ROBO1: variants seen among roughly 807,000 people sequenced by gnomAD.
ROBO1 encodes the protein roundabout guidance receptor 1.
Under a neutral mutation model 195.9 loss-of-function variants are expected in ROBO1, and 149 were observed. That is an observed-to-expected ratio of 0.76 (90% CI 0.67 to 0.87). The LOEUF is 0.87. Among genes scored for constraint, ROBO1 ranks in the 40% least tolerant of loss-of-function variants. ROBO1 has a pLI of 0.00. For synonymous variants in ROBO1, 816 were observed against 733.2 expected (o/e 1.11, Z -1.82); for missense variants, 1,933 against 2,068.3 (o/e 0.93, Z 1.27).
chr3:79,147,293 G>A (rs1239094014), intron 2 of ROBO1, among the ~76,000 whole-genome samples: 1 of 151,932 alleles, frequency 6.6e-6, no homozygotes, highest in Non-Finnish European at 1.5e-5. Flanking sequence ...AAATTCAGAA[G>A]GTACTTTCTG....
At chr3:79,330,292 T>A (rs1387393055) in intron 2 of ROBO1, among the ~76,000 whole-genome samples, 2 of 146,596 alleles carry the variant, frequency 1.4e-5, no homozygotes, top group African/African-American at 5.0e-5. Flanking sequence ...TATATATATA[T>A]AAAGAATTTA....
chr3:79,308,987 C>A (rs1478520749), intron 2 of ROBO1, among the ~76,000 whole-genome samples: 4 of 151,760 alleles, frequency 2.6e-5, no homozygotes, highest in African/African-American at 9.7e-5. Context: ...GATATATTTC[C>A]TGATGAATAT....
At chr3:79,046,476 T>C (rs1371530406) in intron 3 of ROBO1, among the ~76,000 whole-genome samples, 2 of 152,006 alleles carry the variant, frequency 1.3e-5, no homozygotes, top group South Asian at 2.1e-4. Context: ...ATAATAACTA[T>C]ATATAGTTTA....
intron 2 of ROBO1, among the ~76,000 whole-genome samples, chr3:79,563,881 A>C (rs1158437143): frequency 6.6e-6 from 1 of 152,102 alleles, no homozygotes. Context: ...TAGAGTGCAT[A>C]TTAAATGGAA....
At chr3:78,915,923 G>A (rs1297109952) in intron 4 of ROBO1, among the ~76,000 whole-genome samples, 1 of 152,176 alleles carries the variant, frequency 6.6e-6, no homozygotes, top group Non-Finnish European at 1.5e-5. Context: ...CTCCCAAAGT[G>A]CAAGTGCGAG....
intron 2 of ROBO1, among the ~76,000 whole-genome samples, chr3:79,468,650 C>T (rs1938101360): frequency 6.6e-6 from 1 of 151,982 alleles, no homozygotes; most frequent in African/African-American, 2.4e-5. Context: ...TTTTATTGAG[C>T]ACCTAAAATA....
At chr3:79,150,614 C>T (rs1393808387) in intron 2 of ROBO1, among the ~76,000 whole-genome samples, 1 of 151,734 alleles carries the variant, frequency 6.6e-6, no homozygotes, top group Non-Finnish European at 1.5e-5. Flanking sequence ...ATTCAGCATA[C>T]AGGCCCCCAA....
intron 3 of ROBO1, among the ~76,000 whole-genome samples, chr3:79,108,972 C>T (rs573314784): frequency 7.1e-4 from 108 of 151,804 alleles, no homozygotes; most frequent in African/African-American, 2.1e-3. Flanking sequence ...TTATGCAGCT[C>T]TTTATAGCTT....
chr3:79,340,720 A>T (rs541523112), intron 2 of ROBO1, among the ~76,000 whole-genome samples: 22 of 152,304 alleles, frequency 1.4e-4, no homozygotes, highest in African/African-American at 4.8e-4. Context: ...GTTTTGTTTT[A>T]AAAAAGCCAG....
In ROBO1 at chr3:78,778,832, G is replaced by T. The variant is rs12638047; in HGVS notation, c.500-31932C>A. Among the ~76,000 whole-genome samples the T allele has an allele frequency of 2.3e-3, 348 of 152,248 alleles. 10 individuals carry two copies. In the East Asian group the frequency reaches 0.046, roughly 20 times the overall value. The stretch of plus-strand genomic sequence containing the variant: ...AATCCTAAGCAAAAAGAACAAAGCT[G>T]GAGGCATCATGCTATCTAACTTCAA... On this transcript the variant is annotated intron_variant, in intron 4 of 30. Coordinates refer to ENST00000464233, the MANE Select transcript of ROBO1 (RefSeq NM_002941.4).
chr3:79,626,042 C>T (rs1412597075), intron 1 of ROBO1, among the ~76,000 whole-genome samples: 6 of 152,156 alleles, frequency 3.9e-5, no homozygotes, highest in African/African-American at 9.7e-5. Context: ...GTTCAACATA[C>T]CCCAATCAAT....
At chr3:79,672,855 G>C (rs1471165315) in intron 1 of ROBO1, among the ~76,000 whole-genome samples, 1 of 151,942 alleles carries the variant, frequency 6.6e-6, no homozygotes, top group Non-Finnish European at 1.5e-5. Flanking sequence ...GGAGAGCACT[G>C]TGCCATGCAG....
intron 2 of ROBO1, among the ~76,000 whole-genome samples, chr3:79,487,443 C>T (rs1939222035): frequency 6.6e-6 from 1 of 152,128 alleles, no homozygotes; most frequent in Non-Finnish European, 1.5e-5. Flanking sequence ...TCTTCAACTC[C>T]TGACCTCATG....
At chr3:78,936,200 T>C (rs1367946737) in intron 4 of ROBO1, among the ~76,000 whole-genome samples, 1 of 152,022 alleles carries the variant, frequency 6.6e-6, no homozygotes, top group Non-Finnish European at 1.5e-5. Context: ...AATGGCATTC[T>C]ATATTAATTT....
intron 1 of ROBO1, among the ~76,000 whole-genome samples, chr3:79,740,455 A>G (rs1398753701): frequency 6.6e-6 from 1 of 151,984 alleles, no homozygotes; most frequent in Non-Finnish European, 1.5e-5. Context: ...AGACTAGGTA[A>G]TTTATAAAGA....
intron 4 of ROBO1, among the ~76,000 whole-genome samples, chr3:78,890,796 A>G (rs1051500229): frequency 5.9e-5 from 9 of 152,062 alleles, no homozygotes; most frequent in African/African-American, 2.2e-4. Flanking sequence ...GGATCTCACT[A>G]TGTCACCCAG....
At chr3:79,036,656 C>T (rs140271858) in intron 3 of ROBO1, among the ~76,000 whole-genome samples, 1 of 151,624 alleles carries the variant, frequency 6.6e-6, no homozygotes, top group East Asian at 1.9e-4. Context: ...TTCTTCCTTT[C>T]TGGAAAAAAA....
intron 3 of ROBO1, among the ~76,000 whole-genome samples, chr3:78,939,478 C>T (rs1477882397): frequency 2.7e-5 from 4 of 149,148 alleles, no homozygotes; most frequent in Admixed American, 6.7e-5. Context: ...ATTAGCCTGG[C>T]GTGGTGGCGG....
At chr3:79,443,092 C>G (rs529197579) in intron 2 of ROBO1, among the ~76,000 whole-genome samples, 1 of 152,162 alleles carries the variant, frequency 6.6e-6, no homozygotes, top group Non-Finnish European at 1.5e-5. Context: ...ATTTCCATCT[C>G]TGCACATATG....
Sources: gnomAD v4.1 joint callset for allele counts (sites outside exome capture counted in the v4.1 genomes callset) on GRCh38, gnomAD v4.1.1 for gene constraint, MANE v1.5 for transcripts, NCBI Gene and HGNC (gene_info 2026-07-23, HGNC 2026-07-21) for gene names.